The following AMER3 variants were observed in gnomAD, a reference collection of about 807,000 sequenced individuals.
The protein encoded by AMER3 is family with sequence similarity 123C.
For missense variants in AMER3, 1,201 were observed against 1,139.4 expected (o/e 1.05, Z -0.78); for synonymous variants, 541 against 485.5 (o/e 1.11, Z -1.50).
intron 1 of AMER3, among the ~76,000 whole-genome samples, chr2:130,761,234 G>A (rs1405962284): frequency 2.6e-5 from 4 of 152,182 alleles, no homozygotes; most frequent in African/African-American, 9.7e-5. Context: ...ACAGTCAATT[G>A]GCTAGCACTG....
Position 130,764,090 on chromosome 2 carries a change from T to G in AMER3, c.2018T>G (p.Leu673Arg). 2 of 1,611,970 alleles carry G rather than the reference T, an allele frequency of 1.2e-6. No homozygotes were observed. The highest frequency in any genetic ancestry group is 1.7e-6 in the Non-Finnish European group (2 of 1,179,350). The change falls in exon 2 of 2, where the codon CTG (leucine) becomes CGG (arginine). Residue 673 changes from leucine (L) to arginine (R), a missense_variant. Physicochemically the swap from Leu to Arg is moderately radical, Grantham distance 102. Coordinates refer to ENST00000321420, the MANE Select transcript of AMER3 (RefSeq NM_152698.3). ...GACACTCTGGATGCAGAGCCCATGC[T>G]GGCAGGCTGTGTGGCCCGTGTGGCA... ...GGDTLDAEPM[L>R]AGCVARVAAL...
In AMER3 at chr2:130,764,567, G is replaced by A. The variant is rs1279073614; in HGVS notation, c.2495G>A (p.Cys832Tyr). The stretch of plus-strand genomic sequence containing the variant: ...GGGGTCTCTGCAAGTGCCCCAGAAT[G>A]CCGCTGCAGCCTCCTGGCCCGTGAG... ...EGGVSASAPE[C>Y]RCSLLAREGL... Residue 832 changes from cysteine to tyrosine, a missense_variant, in exon 2 of 2, where the codon TGC becomes TAC. By Grantham distance (194) the Cys-to-Tyr change is radical (BLOSUM62 -2). Transcript: ENST00000321420. The A allele has an allele frequency of 6.2e-7, 1 of 1,604,318 alleles. No homozygotes were observed. The highest frequency in any genetic ancestry group is 1.7e-5 in the Admixed American group (1 of 58,896).
At position 130,763,436 on chromosome 2, in the gene AMER3, C is replaced by A. The variant is rs1460586435; in HGVS notation, c.1364C>A (p.Thr455Lys). ...AGTCTGTCAGGGCCGGCCCTGGGGACGCCACTGTCCATATGCAGCTTCCGA... is the reference window on the plus strand; with the variant it reads ...AGTCTGTCAGGGCCGGCCCTGGGGAAGCCACTGTCCATATGCAGCTTCCGA... ...SESLSGPALG[T>K]PLSICSFRVG... The change falls in exon 2 of 2, where the codon ACG (threonine) becomes AAG (lysine). Residue 455 changes from threonine (T) to lysine (K), a missense_variant. Thr to Lys is a moderately conservative substitution (Grantham distance 78, BLOSUM62 -1). Coordinates refer to ENST00000321420, the MANE Select transcript of AMER3 (RefSeq NM_152698.3). 3.7e-6 allele frequency: 6 copies of A among 1,612,964 alleles called. No individual in the cohort carries two copies. The highest frequency in any genetic ancestry group is 5.1e-6 in the Non-Finnish European group (6 of 1,179,998).
At position 130,763,462 on chromosome 2, in the gene AMER3, G is replaced by T; in HGVS notation, c.1390G>T (p.Val464Leu). 6.2e-7 allele frequency: 1 copy of T among 1,612,840 alleles called. No homozygotes were observed. The highest frequency in any genetic ancestry group is 8.5e-7 in the Non-Finnish European group (1 of 1,179,808). ...GTPLSICSFR[V>L]GAEENLAPAP... is the part of the protein sequence containing the mutation. ...GCCACTGTCCATATGCAGCTTCCGA[G>T]TGGGGGCCGAGGAGAACTTGGCCCC... The change falls in exon 2 of 2, where the codon GTG becomes TTG. Residue 464 changes from valine to leucine, a missense_variant. Transcript: ENST00000321420.
chr2:130,756,999 T>C (rs1308844130), intron 1 of AMER3, among the ~76,000 whole-genome samples: 5 of 152,160 alleles, frequency 3.3e-5, no homozygotes, highest in Non-Finnish European at 1.5e-5. Context: ...CACACTGCTG[T>C]GACTTTCCTG....
rs760195858 is a variant in AMER3, at chr2:130,762,658, C to T, written c.586C>T (p.Arg196Trp). 43 of 1,610,402 alleles carry T rather than the reference C, an allele frequency of 2.7e-5. No individual in the cohort carries two copies. The highest frequency in any genetic ancestry group is 1.6e-4 in the Middle Eastern group (1 of 6,076). ...AGGGGACCCGTCAGACCCTGGGGGG[C>T]GGCGAAGCAAAGCCTTCCTCCCCCC... is the stretch of plus-strand genomic sequence containing the variant. Reference protein sequence around the residue: ...SPGDPSDPGGRRSKAFLPPGE... With the variant: ...SPGDPSDPGGWRSKAFLPPGE... The change falls in exon 2 of 2, where the codon CGG (arginine) becomes TGG (tryptophan). Residue 196 changes from arginine to tryptophan, a missense_variant. Physicochemically the swap from Arg to Trp is moderately radical, Grantham distance 101. Coordinates refer to ENST00000321420, the MANE Select transcript of AMER3 (RefSeq NM_152698.3).
chr2:130,762,214 C>T lies in AMER3; in HGVS notation c.142C>T (p.His48Tyr), dbSNP rs1277491927. The T allele has an allele frequency of 6.3e-7, 1 of 1,585,374 alleles. No homozygotes were observed. Among genetic ancestry groups the T allele is most frequent in the South Asian group, 1.1e-5 (1 of 87,456 alleles). Residue 48 changes from histidine (H) to tyrosine (Y), a missense_variant, in exon 2 of 2, where the codon CAC (histidine) becomes TAC (tyrosine). By Grantham distance (83) the His-to-Tyr change is moderately conservative. Transcript: ENST00000321420. The part of the protein sequence containing the change: ...SVLPGGQQRP[H>Y]SEKGPQASPS... Reference sequence around the variant, plus strand: ...CCTTCCAGGAGGGCAACAGAGGCCCCACAGTGAGAAGGGCCCCCAAGCCAG... The same window carrying T: ...CCTTCCAGGAGGGCAACAGAGGCCCTACAGTGAGAAGGGCCCCCAAGCCAG...
At position 130,764,644 on chromosome 2, in the gene AMER3, G is replaced by A; in HGVS notation, c.2572G>A (p.Glu858Lys). 6.2e-7 allele frequency: 1 copy of A among 1,604,920 alleles called. No homozygotes were observed. Among genetic ancestry groups the A allele is most frequent in the Non-Finnish European group, 8.5e-7 (1 of 1,177,334 alleles). Residue 858 changes from glutamate to lysine, a missense_variant, in exon 2 of 2, where the codon GAG becomes AAG. Coordinates refer to ENST00000321420, the MANE Select transcript of AMER3 (RefSeq NM_152698.3). ...EVGASGPAMA[E>K]PHL The stretch of plus-strand genomic sequence containing the variant: ...GGGGGCCTCTGGGCCAGCCATGGCT[G>A]AGCCCCATCTGTAGGACAGGCTCAC...
chr2:130,762,441 C>A lies in AMER3; in HGVS notation c.369C>A (p.Ser123Arg). The change falls in exon 2 of 2, where the codon AGC becomes AGA. Residue 123 changes from serine to arginine, a missense_variant. Physicochemically the swap from Ser to Arg is moderately radical, Grantham distance 110 (BLOSUM62 -1). Transcript: ENST00000321420. ...CAAGCTTCCCGGGCTCCCCGGGCAG[C>A]CGGCGCATGATCGACTACCGCCACT... ...GSASFPGSPG[S>R]RRMIDYRHFV... 1 of 1,612,836 alleles carries A rather than the reference C, an allele frequency of 6.2e-7. No homozygotes were observed. Among genetic ancestry groups the A allele is most frequent in the Non-Finnish European group, 8.5e-7 (1 of 1,179,912 alleles).
Position 130,763,702 on chromosome 2 carries a change from C to G in AMER3, c.1630C>G (p.Leu544Val), listed in dbSNP as rs2104783896. Residue 544 changes from leucine (L) to valine (V), a missense_variant, in exon 2 of 2, where the codon CTG becomes GTG. Coordinates refer to ENST00000321420, the MANE Select transcript of AMER3 (RefSeq NM_152698.3). ...AGCCCCTAGGGCACCCACAGAGAAG[C>G]TGGGGGGCAGGGAGGGCCTGGCCTC... ...QGAPRAPTEKLGGREGLASDA... is the reference protein window; with the variant it reads ...QGAPRAPTEKVGGREGLASDA... The G allele has an allele frequency of 1.3e-6, 2 of 1,552,322 alleles. No homozygotes were observed. The highest frequency in any genetic ancestry group is 8.7e-7 in the Non-Finnish European group (1 of 1,153,306).
At position 130,763,911 on chromosome 2, in the gene AMER3, C is replaced by T. The variant is rs370601142; in HGVS notation, c.1839C>T (p.Phe613=). Residue 613 remains phenylalanine (F), a synonymous_variant, in exon 2 of 2, where the codon TTC becomes TTT. Coordinates refer to ENST00000321420, the MANE Select transcript of AMER3 (RefSeq NM_152698.3). ...EETRGHSEGL[F]SSMESAATST... ...CACGAGGTCACTCTGAAGGCTTGTT[C>T]TCCTCTATGGAGTCTGCAGCCACTT... 1.3e-5 allele frequency: 21 copies of T among 1,613,572 alleles called. No homozygotes were observed. The highest frequency in any genetic ancestry group is 1.6e-5 in the Non-Finnish European group (19 of 1,180,032).
chr2:130,766,682 G>T lies in AMER3; in HGVS notation c.*2024G>T. 1.3e-5 allele frequency: 2 copies of T among 154,770 alleles called. No homozygotes were observed. The allele number at this position is 154,770 out of a possible 1,614,324, so 9.6% of individuals were successfully genotyped here. On this transcript the variant is annotated 3_prime_UTR_variant, in exon 2 of 2. Coordinates refer to ENST00000321420, the MANE Select transcript of AMER3 (RefSeq NM_152698.3). ...TGGCTAATTTTTCTATTTTTTTGTAGAGACGGGTTTTCGCCATGTTGCCTC... is the reference window on the plus strand; with the variant it reads ...TGGCTAATTTTTCTATTTTTTTGTATAGACGGGTTTTCGCCATGTTGCCTC...
chr2:130,763,822 G>T lies in AMER3; in HGVS notation c.1750G>T (p.Ala584Ser), dbSNP rs1429916210. 6.2e-7 allele frequency: 1 copy of T among 1,613,046 alleles called. No individual in the cohort carries two copies. The highest frequency in any genetic ancestry group is 1.1e-5 in the South Asian group (1 of 91,074). Residue 584 changes from alanine (A) to serine (S), a missense_variant, in exon 2 of 2, where the codon GCC becomes TCC. Transcript: ENST00000321420. ...AGGCCTGCTCGCCGGAGAGAGCAAG[G>T]CCCTCGGAGGGGCCACACAAGGGAC... ...TTGLLAGESK[A>S]LGGATQGTGT...
At chr2:130,760,783 C>G (rs1427381702) in intron 1 of AMER3, among the ~76,000 whole-genome samples, 1 of 152,066 alleles carries the variant, frequency 6.6e-6, no homozygotes, top group African/African-American at 2.4e-5. Context: ...CTGAAGGTCT[C>G]CACAACACAC....
In AMER3 at chr2:130,762,424, C is replaced by T; in HGVS notation, c.352C>T (p.Pro118Ser). 1 of 1,612,534 alleles carries T rather than the reference C, an allele frequency of 6.2e-7. No homozygotes were observed. The highest frequency in any genetic ancestry group is 8.5e-7 in the Non-Finnish European group (1 of 1,179,804). Reference protein sequence around the residue: ...TGQLVGSASFPGSPGSRRMID... With the variant: ...TGQLVGSASFSGSPGSRRMID... ...GCAGCTGGTGGGCAGTGCAAGCTTC[C>T]CGGGCTCCCCGGGCAGCCGGCGCAT... is the stretch of plus-strand genomic sequence containing the variant. Residue 118 changes from proline to serine, a missense_variant, in exon 2 of 2, where the codon CCG becomes TCG. By Grantham distance (74) the Pro-to-Ser change is moderately conservative (BLOSUM62 -1). Transcript: ENST00000321420.
Position 130,762,455 on chromosome 2 carries a change from A to G in AMER3, c.383A>G (p.Asp128Gly). ...PGSPGSRRMI[D>G]YRHFVPQMPF... ...TCCCCGGGCAGCCGGCGCATGATCGACTACCGCCACTTTGTGCCCCAGATG... is the reference window on the plus strand; with the variant it reads ...TCCCCGGGCAGCCGGCGCATGATCGGCTACCGCCACTTTGTGCCCCAGATG... The change falls in exon 2 of 2, where the codon GAC (aspartate) becomes GGC (glycine). Residue 128 changes from aspartate (D) to glycine (G), a missense_variant. Coordinates refer to ENST00000321420, the MANE Select transcript of AMER3 (RefSeq NM_152698.3). 6.2e-7 allele frequency: 1 copy of G among 1,613,004 alleles called. No homozygotes were observed. Among genetic ancestry groups the G allele is most frequent in the Non-Finnish European group, 8.5e-7 (1 of 1,179,966 alleles).
Position 130,763,726 on chromosome 2 carries a change from T to G in AMER3, c.1654T>G (p.Ser552Ala), listed in dbSNP as rs1003422928. 6.4e-7 allele frequency: 1 copy of G among 1,574,708 alleles called. No individual in the cohort carries two copies. Residue 552 changes from serine to alanine, a missense_variant, in exon 2 of 2, where the codon TCA (serine) becomes GCA (alanine). By Grantham distance (99) the Ser-to-Ala change is moderately conservative (BLOSUM62 1). Coordinates refer to ENST00000321420, the MANE Select transcript of AMER3 (RefSeq NM_152698.3). ...GCTGGGGGGCAGGGAGGGCCTGGCC[T>G]CAGATGCAGGGGGGGCGACAGTTTG... is the stretch of plus-strand genomic sequence containing the variant. ...EKLGGREGLA[S>A]DAGGATVCSA...
intron 1 of AMER3, among the ~76,000 whole-genome samples, chr2:130,758,896 G>A (rs185983565): frequency 8.2e-4 from 125 of 152,356 alleles, no homozygotes; most frequent in African/African-American, 2.7e-3. Flanking sequence ...CTGCCCTCAG[G>A]CAGTGACAAG....
Position 130,763,455 on chromosome 2 carries a change from C to T in AMER3, c.1383C>T (p.Ser461=). The T allele has an allele frequency of 6.2e-7, 1 of 1,612,884 alleles. No individual in the cohort carries two copies. The part of the protein sequence containing the change: ...PALGTPLSIC[S]FRVGAEENLA... ...TGGGGACGCCACTGTCCATATGCAG[C>T]TTCCGAGTGGGGGCCGAGGAGAACT... Residue 461 remains serine (S), a synonymous_variant, in exon 2 of 2, where the codon AGC becomes AGT. Coordinates refer to ENST00000321420, the MANE Select transcript of AMER3 (RefSeq NM_152698.3).
Sources: gnomAD v4.1 joint callset for allele counts (sites outside exome capture counted in the v4.1 genomes callset) on GRCh38, gnomAD v4.1.1 for gene constraint, MANE v1.5 for transcripts, NCBI Gene and HGNC (gene_info 2026-07-23, HGNC 2026-07-21) for gene names.